The following LRRIQ1 variants were observed in gnomAD, a reference collection of about 807,000 sequenced individuals.
LRRIQ1 encodes the protein leucine-rich repeat- and IQ domain-containing protein 1.
LRRIQ1 carries 210 observed loss-of-function variants against 211.9 expected under a neutral mutation model. That is an observed-to-expected ratio of 0.99 (90% CI 0.89 to 1.11). The LOEUF is 1.11. LRRIQ1 is among the 50% of genes most tolerant of loss of function. LRRIQ1 has a pLI of 0.00. For synonymous variants in LRRIQ1, 699 were observed against 650.1 expected (o/e 1.08, Z -1.14); for missense variants, 2,136 against 1,939.5 (o/e 1.10, Z -1.90).
intron 15 of LRRIQ1, 26 bp from the exon 16 acceptor site, chr12:85,121,671 A>G (rs932773136): frequency 6.6e-7 from 1 of 1,521,200 alleles, no homozygotes; most frequent in Non-Finnish European, 8.8e-7. Flanking sequence ...GATCAGGATT[A>G]TTAACTTTTT....
At chr12:85,113,966 T>C (rs1162611043) in intron 15 of LRRIQ1, among the ~76,000 whole-genome samples, 1 of 146,228 alleles carries the variant, frequency 6.8e-6, no homozygotes, top group Non-Finnish European at 1.5e-5. Context: ...CCTAAATGTG[T>C]TTCTAGACCT....
intron 21 of LRRIQ1, among the ~76,000 whole-genome samples, 174 bp from the exon 22 acceptor site, chr12:85,153,489 T>C (rs532064394): frequency 8.6e-5 from 13 of 151,568 alleles, no homozygotes; most frequent in Non-Finnish European, 1.8e-4. Context: ...CTTCAAGTAA[T>C]TGAAATGTAA....
intron 8 of LRRIQ1, among the ~76,000 whole-genome samples, chr12:85,062,574 C>CT (rs141735313): frequency 0.25 from 36,699 of 145,534 alleles, 4,819 homozygotes; most frequent in African/African-American, 0.33. Flanking sequence ...ATATGTACTA[C>CT]TTTTTTTTTT....
chr12:85,138,065 A>G (rs1163343636), intron 19 of LRRIQ1, 96 bp downstream of exon 19: 5 of 716,966 alleles, frequency 7.0e-6, no homozygotes, highest in Non-Finnish European at 1.1e-5. Flanking sequence ...TATCCTATTA[A>G]TATTGTTACA....
Position 85,229,621 on chromosome 12 carries a change from G to A in LRRIQ1, c.4927G>A (p.Glu1643Lys). ...GCTTCACACACAGGTTGGGGTTCAT[G>A]AAACGACTAGTTCCAGAAATATGAA... ...QWLHTQVGVH[E>K]TTSSRNMKCN... Residue 1643 changes from glutamate to lysine, a missense_variant, in exon 25 of 27, where the codon GAA (glutamate) becomes AAA (lysine). Physicochemically the swap from Glu to Lys is moderately conservative, Grantham distance 56. Coordinates refer to ENST00000393217, the MANE Select transcript of LRRIQ1 (RefSeq NM_001079910.2). The A allele has an allele frequency of 6.2e-7, 1 of 1,612,228 alleles. No homozygotes were observed. The highest frequency in any genetic ancestry group is 1.1e-5 in the South Asian group (1 of 90,778).
At chr12:85,265,984 T>G (rs1896409308), downstream of LRRIQ1, among the ~76,000 whole-genome samples, 1 of 152,064 alleles carries the variant, frequency 6.6e-6, no homozygotes, top group Admixed American at 6.6e-5. Flanking sequence ...GAACTTGGAT[T>G]CTGCTAAACA....
chr12:85,231,818 C>T (rs1894954649), intron 25 of LRRIQ1, among the ~76,000 whole-genome samples: 1 of 152,082 alleles, frequency 6.6e-6, no homozygotes, highest in African/African-American at 2.4e-5. Context: ...CCTCATGACC[C>T]AAACACCTCT....
chr12:85,110,371 T>C (rs1216223078), intron 15 of LRRIQ1, among the ~76,000 whole-genome samples: 1 of 152,156 alleles, frequency 6.6e-6, no homozygotes, highest in African/African-American at 2.4e-5. Context: ...ACTGTTCTCA[T>C]TTAATCTATA....
intron 11 of LRRIQ1, among the ~76,000 whole-genome samples, chr12:85,081,581 T>C (rs1884290593): frequency 6.6e-6 from 1 of 152,230 alleles, no homozygotes; most frequent in Middle Eastern, 3.4e-3. Context: ...ACCTCCTGTT[T>C]CCTGACTTAA....
intron 24 of LRRIQ1, among the ~76,000 whole-genome samples, chr12:85,182,941 T>C (rs888456121): frequency 1.3e-5 from 2 of 152,068 alleles, no homozygotes; most frequent in African/African-American, 4.8e-5. Context: ...GCTGGCAGAG[T>C]GCAAACCCAG....
chr12:85,053,815 C>G (rs868842893), intron 7 of LRRIQ1, among the ~76,000 whole-genome samples: 18 of 152,320 alleles, frequency 1.2e-4, no homozygotes, highest in Middle Eastern at 3.4e-3. Flanking sequence ...TCACGCCATT[C>G]TCCTGCCTCA....
chr12:85,189,120 G>A (rs1057173259), intron 24 of LRRIQ1, among the ~76,000 whole-genome samples: 1 of 152,104 alleles, frequency 6.6e-6, no homozygotes, highest in African/African-American at 2.4e-5. Context: ...TAAACAGTTA[G>A]CTAATTCAAA....
the LRRIQ1 span, among the ~76,000 whole-genome samples, chr12:85,271,192 G>T: frequency 6.6e-6 from 1 of 152,138 alleles, no homozygotes; most frequent in Non-Finnish European, 1.5e-5. Flanking sequence ...GAGCATTAAA[G>T]ATGTCATTTG....
At chr12:85,060,373 A>G (rs916895188) in intron 8 of LRRIQ1, among the ~76,000 whole-genome samples, 4 of 151,992 alleles carry the variant, frequency 2.6e-5, no homozygotes, top group Non-Finnish European at 5.9e-5. Context: ...TTTTATTTTT[A>G]AATGTTTTAA....
chr12:85,040,203 G>A (rs1256375633), intron 2 of LRRIQ1, among the ~76,000 whole-genome samples: 1 of 151,454 alleles, frequency 6.6e-6, no homozygotes, highest in Admixed American at 6.6e-5. Flanking sequence ...TACAACTATT[G>A]AGGGCATTCA....
chr12:85,210,977 C>A (rs950581313), intron 24 of LRRIQ1, among the ~76,000 whole-genome samples: 4 of 152,204 alleles, frequency 2.6e-5, no homozygotes, highest in Non-Finnish European at 4.4e-5. Flanking sequence ...CAACCATGTG[C>A]ATGGTGTCTA....
intron 18 of LRRIQ1, among the ~76,000 whole-genome samples, chr12:85,133,116 T>C (rs2136512202): frequency 6.6e-6 from 1 of 152,294 alleles, no homozygotes; most frequent in South Asian, 2.1e-4. Context: ...GGAAATATAT[T>C]TATTGAGTGC....
intron 15 of LRRIQ1, among the ~76,000 whole-genome samples, chr12:85,116,885 T>TG (rs1887621883): frequency 7.1e-6 from 1 of 140,724 alleles, no homozygotes; most frequent in African/African-American, 2.7e-5. Context: ...GATCTCGTTC[T>TG]TTTTTTTTTT....
chr12:85,039,068 C>A (rs1878545245), intron 2 of LRRIQ1, among the ~76,000 whole-genome samples: 1 of 151,214 alleles, frequency 6.6e-6, no homozygotes. Context: ...CTACCTATTA[C>A]ATTTAGAAAA....
Sources: gnomAD v4.1 joint callset for allele counts (sites outside exome capture counted in the v4.1 genomes callset) on GRCh38, gnomAD v4.1.1 for gene constraint, MANE v1.5 for transcripts, NCBI Gene and HGNC (gene_info 2026-07-23, HGNC 2026-07-21) for gene names.